Variants in ACSM3 observed in about 807,000 individuals in gnomAD.
ACSM3 encodes the protein acyl-CoA synthetase medium chain family member 3.
In ACSM3, 61 loss-of-function variants were observed where a neutral mutation model predicts 74.1. That is an observed-to-expected ratio of 0.82 (90% CI 0.67 to 1.02). ACSM3 has a LOEUF of 1.02. Ranked by LOEUF, ACSM3 falls within the 50% of genes least tolerant of loss-of-function variation. The pLI is 0.00. For synonymous variants in ACSM3, 213 were observed against 241.5 expected (o/e 0.88, Z 1.09); for missense variants, 660 against 697.0 (o/e 0.95, Z 0.60).
chr16:20,730,604 C>T, intron 1 of ACSM3, among the ~76,000 whole-genome samples: 1 of 152,162 alleles, frequency 6.6e-6, no homozygotes, highest in South Asian at 2.1e-4. Context: ...ATACCCCCTC[C>T]ACTCCCATTT....
At chr16:20,686,783 G>A (rs1316492721) in intron 1 of ACSM3, among the ~76,000 whole-genome samples, 3 of 149,570 alleles carry the variant, frequency 2.0e-5, no homozygotes, top group African/African-American at 4.9e-5. Flanking sequence ...CAGCCTGGGA[G>A]ACAGAATGAG....
chr16:20,786,065 T>TAAGAA lies in ACSM3; in HGVS notation c.1144-13_1144-12insAAGAA. Reference sequence around the variant, plus strand: ...CTTGTAATGTTATCTTACTTTTTCTTCTTCTTAACTAGGTGCTAATCTGTG... The same window carrying TAAGAA: ...CTTGTAATGTTATCTTACTTTTTCTTAAGAACTTCTTAACTAGGTGCTAATCTGTG... On this transcript the variant is annotated splice_polypyrimidine_tract_variant and intron_variant, in intron 8 of 13. Transcript: ENST00000289416. 1 of 1,503,220 alleles carries TAAGAA rather than the reference T, an allele frequency of 6.7e-7. No individual in the cohort carries two copies. The highest frequency in any genetic ancestry group is 9.0e-7 in the Non-Finnish European group (1 of 1,110,260). The allele number at this position is 1,503,220 out of a possible 1,614,324, so 93.1% of individuals were successfully genotyped here. A position where few individuals can be genotyped will look rare whatever the true frequency, so the allele number is the denominator to read the frequency against.
At chr16:20,700,407 G>A (rs182650296) in intron 1 of ACSM3, among the ~76,000 whole-genome samples, 20 of 152,202 alleles carry the variant, frequency 1.3e-4, no homozygotes, top group African/African-American at 4.6e-4. Context: ...CAATATGATG[G>A]AGAGAGTGTG....
At chr16:20,787,941 T>C (rs1441586633) in intron 9 of ACSM3, among the ~76,000 whole-genome samples, 1 of 152,118 alleles carries the variant, frequency 6.6e-6, no homozygotes, top group Non-Finnish European at 1.5e-5. Flanking sequence ...TCTCAGATGG[T>C]TGGTAAACCA....
intron 1 of ACSM3, chr16:20,679,965 A>T (rs1220406323): frequency 1.3e-5 from 2 of 151,220 alleles, no homozygotes; most frequent in Admixed American, 6.6e-5. Flanking sequence ...TCACAATCCT[A>T]AAAAAAAACA....
intron 1 of ACSM3, chr16:20,741,493 A>AC: frequency 9.6e-6 from 2 of 209,280 alleles, no homozygotes; most frequent in Non-Finnish European, 1.8e-5. Context: ...CCGCCCGCCC[A>AC]CCCCGGGACC....
intron 1 of ACSM3, chr16:20,741,835 G>A (rs1178002171): frequency 1.3e-6 from 2 of 1,538,660 alleles, no homozygotes; most frequent in Non-Finnish European, 1.7e-6. Context: ...GGATATGAGC[G>A]ACGGCCTCCC....
chr16:20,738,331 CTG>C (rs2079889121), intron 1 of ACSM3: 2 of 402,238 alleles, frequency 5.0e-6, no homozygotes, highest in Non-Finnish European at 9.7e-6. Flanking sequence ...AAAAAAAATT[CTG>C]TGAGTCACTT....
At chr16:20,699,197 G>T (rs922247720) in intron 1 of ACSM3, among the ~76,000 whole-genome samples, 2 of 152,176 alleles carry the variant, frequency 1.3e-5, no homozygotes, top group Non-Finnish European at 2.9e-5. Context: ...AGCCTGTAAA[G>T]CACCTGGACC....
intron 1 of ACSM3, among the ~76,000 whole-genome samples, chr16:20,739,377 T>C (rs1052698998): frequency 2.0e-5 from 3 of 152,006 alleles, no homozygotes; most frequent in Non-Finnish European, 2.9e-5. Context: ...GGTTTCGCCA[T>C]GTTGGTCAGG....
At chr16:20,771,187 G>A (rs551677489) in intron 2 of ACSM3, among the ~76,000 whole-genome samples, 1 of 151,980 alleles carries the variant, frequency 6.6e-6, no homozygotes, top group Non-Finnish European at 1.5e-5. Flanking sequence ...TCAGCCTCCC[G>A]AGTAGCCGGG....
intron 1 of ACSM3, chr16:20,738,994 A>T (rs2079894630): frequency 6.2e-7 from 1 of 1,614,162 alleles, no homozygotes; most frequent in African/African-American, 1.3e-5. Context: ...TAATGTCACC[A>T]ACTTCTTTCT....
At chr16:20,697,556 TACACACACAC>T (rs57633278) in intron 1 of ACSM3, 32,281 of 139,544 alleles carry the variant, frequency 0.23, 3,784 homozygotes, top group Middle Eastern at 0.29. Flanking sequence ...AAAATTGGAT[TACACACACAC>T]ACACACACAC....
At chr16:20,729,823 G>A (rs1338243451) in intron 1 of ACSM3, among the ~76,000 whole-genome samples, 1 of 151,790 alleles carries the variant, frequency 6.6e-6, no homozygotes, top group Admixed American at 6.6e-5. Context: ...TAAATGACAA[G>A]TATTCAAGTA....
chr16:20,725,516 C>T (rs767447641), intron 1 of ACSM3: 15 of 162,684 alleles, frequency 9.2e-5, no homozygotes, highest in Non-Finnish European at 1.7e-4. Context: ...CCTTTTTCAG[C>T]ACAGGGCAGC....
chr16:20,733,370 T>C (rs1168616088), intron 1 of ACSM3, among the ~76,000 whole-genome samples: 1 of 152,114 alleles, frequency 6.6e-6, no homozygotes, highest in East Asian at 1.9e-4. Context: ...CAAACTTCAA[T>C]ATATTAAAAT....
chr16:20,749,734 T>G (rs12443970), intron 1 of ACSM3: 93,965 of 152,222 alleles, frequency 0.62, 30,156 homozygotes, highest in Non-Finnish European at 0.72. Flanking sequence ...TCTTCAGAAG[T>G]TGCCTGGGCT....
At chr16:20,686,487 G>C (rs2079556475) in intron 1 of ACSM3, among the ~76,000 whole-genome samples, 1 of 152,114 alleles carries the variant, frequency 6.6e-6, no homozygotes, top group African/African-American at 2.4e-5. Context: ...AGGGGCCATG[G>C]GAGGGAGAGC....
At position 20,792,129 on chromosome 16, in the gene ACSM3, G is replaced by C; in HGVS notation, c.1454G>C (p.Gly485Ala). ...ARADDVILSS[G>A]YRIGPFEVEN... ...GCAGATGATGTCATATTATCCTCTG[G>C]GTAACTTTCTTTTCCATATGTGCAT... The change falls in exon 11 of 14, where the codon GGC becomes GCC. Residue 485 changes from glycine to alanine, a missense_variant and splice_region_variant. Transcript: ENST00000289416. The C allele has an allele frequency of 6.2e-7, 1 of 1,614,042 alleles. No individual in the cohort carries two copies. Among genetic ancestry groups the C allele is most frequent in the Non-Finnish European group, 8.5e-7 (1 of 1,179,986 alleles).
Sources: allele counts gnomAD v4.1 joint callset (sites outside exome capture counted in the v4.1 genomes callset), GRCh38; gene constraint gnomAD v4.1.1; transcripts MANE v1.5; gene names NCBI Gene and HGNC (gene_info 2026-07-23, HGNC 2026-07-21).